LAMA2: variants seen among roughly 807,000 people sequenced by gnomAD.
LAMA2 encodes laminin subunit alpha 2, also known as laminin subunit alpha-2.
LAMA2 carries 269 observed loss-of-function variants against 364.8 expected under a neutral mutation model. The ratio of observed to expected loss-of-function variants is 0.74; its 90% CI spans 0.67 to 0.82. LAMA2 has a LOEUF of 0.82. LAMA2 is among the 40% of genes least tolerant of loss of function. The pLI is 0.00. For synonymous variants in LAMA2, 1,379 were observed against 1,370.6 expected, an observed-to-expected ratio of 1.01 and a Z score of -0.14; for missense variants, 3,807 against 3,873.2, an observed-to-expected ratio of 0.98 and a Z score of 0.45.
At chr6:129,498,983 C>A (rs979759025) in intron 58 of LAMA2, among the ~76,000 whole-genome samples, 1 of 152,184 alleles carries the variant, frequency 6.6e-6, no homozygotes, top group Non-Finnish European at 1.5e-5. Context: ...GCACTATCTA[C>A]TTCCCTAAAC....
At chr6:128,967,235 G>A (rs1252531463) in intron 1 of LAMA2, among the ~76,000 whole-genome samples, 1 of 152,070 alleles carries the variant, frequency 6.6e-6, no homozygotes, top group African/African-American at 2.4e-5. Flanking sequence ...GTAGATTCAA[G>A]CCCTCTATCA....
intron 1 of LAMA2, among the ~76,000 whole-genome samples, chr6:128,892,849 A>G (rs1776542639): frequency 6.6e-6 from 1 of 151,944 alleles, no homozygotes; most frequent in Admixed American, 6.6e-5. Context: ...ACTATTAAAA[A>G]AACCACCAAA....
intron 3 of LAMA2, among the ~76,000 whole-genome samples, chr6:129,083,404 A>G (rs1185026695): frequency 6.6e-6 from 1 of 152,338 alleles, no homozygotes; most frequent in East Asian, 1.9e-4. Context: ...GTCAGCCAGT[A>G]TCATGAGAGC....
intron 29 of LAMA2, among the ~76,000 whole-genome samples, chr6:129,334,159 C>A (rs957691930): frequency 6.6e-6 from 1 of 152,162 alleles, no homozygotes; most frequent in African/African-American, 2.4e-5. Context: ...ACTGATTTCT[C>A]TTTTATGTGC....
chr6:128,978,093 C>A (rs1179246496), intron 1 of LAMA2, among the ~76,000 whole-genome samples: 1 of 151,912 alleles, frequency 6.6e-6, no homozygotes, highest in Non-Finnish European at 1.5e-5. Context: ...AGAATAATAC[C>A]CTGGATATCC....
chr6:129,207,199 C>T (rs1470904817), intron 12 of LAMA2, among the ~76,000 whole-genome samples: 3 of 152,158 alleles, frequency 2.0e-5, no homozygotes, highest in Admixed American at 6.5e-5. Context: ...ATTGTGTATT[C>T]GTATCTGAAA....
At chr6:129,253,525 C>A (rs1378732593) in intron 14 of LAMA2, among the ~76,000 whole-genome samples, 2 of 152,222 alleles carry the variant, frequency 1.3e-5, no homozygotes, top group Non-Finnish European at 2.9e-5. Context: ...ATAGGCAATT[C>A]TTCTAGAAGC....
intron 52 of LAMA2, among the ~76,000 whole-genome samples, chr6:129,474,573 C>T (rs1783976292): frequency 6.6e-6 from 1 of 152,240 alleles, no homozygotes; most frequent in East Asian, 1.9e-4. Flanking sequence ...ATACCAAATA[C>T]TAGGAATCCA....
At chr6:129,241,685 A>G (rs1434323630) in intron 12 of LAMA2, among the ~76,000 whole-genome samples, 1 of 152,178 alleles carries the variant, frequency 6.6e-6, no homozygotes, top group Non-Finnish European at 1.5e-5. Flanking sequence ...TGTGTGATTT[A>G]TATATGACTC....
At chr6:129,467,987 T>G (rs1783629975) in intron 51 of LAMA2, among the ~76,000 whole-genome samples, 1 of 151,860 alleles carries the variant, frequency 6.6e-6, no homozygotes, top group African/African-American at 2.4e-5. Context: ...CAGTATCTTC[T>G]GTGACATTTC....
At chr6:128,980,677 A>AT (rs1782809384) in intron 1 of LAMA2, among the ~76,000 whole-genome samples, 1 of 152,164 alleles carries the variant, frequency 6.6e-6, no homozygotes. Context: ...ATATAAAACT[A>AT]TTTTTGCCAG....
intron 1 of LAMA2, among the ~76,000 whole-genome samples, chr6:128,950,530 A>C (rs1458986774): frequency 6.6e-6 from 1 of 152,118 alleles, no homozygotes; most frequent in African/African-American, 2.4e-5. Flanking sequence ...TTTACTCTAC[A>C]AAGTGCCCAC....
At chr6:129,454,392 T>C (rs1055220718) in intron 47 of LAMA2, 104 bp downstream of exon 47, 1 of 891,632 alleles carries the variant, frequency 1.1e-6, no homozygotes, top group African/African-American at 1.7e-5. Context: ...GGTAACTGTG[T>C]ATGCATGTAA....
intron 35 of LAMA2, among the ~76,000 whole-genome samples, chr6:129,384,153 A>C (rs1335844670): frequency 6.6e-6 from 1 of 152,202 alleles, no homozygotes; most frequent in Non-Finnish European, 1.5e-5. Context: ...AATTTGAGGC[A>C]AAGGTGTGAG....
intron 8 of LAMA2, among the ~76,000 whole-genome samples, chr6:129,162,918 T>C (rs1170944936): frequency 6.6e-6 from 1 of 151,434 alleles, no homozygotes; most frequent in Non-Finnish European, 1.5e-5. Flanking sequence ...GGAGGAAGAA[T>C]GAAGAGAGTC....
chr6:129,032,872 G>A (rs574810962), intron 1 of LAMA2, among the ~76,000 whole-genome samples: 16 of 152,280 alleles, frequency 1.1e-4, no homozygotes, highest in Non-Finnish European at 2.1e-4. Flanking sequence ...GACACTGGGT[G>A]GGTAAACTAA....
At chr6:129,072,344 CA>C (rs1274927076) in intron 3 of LAMA2, among the ~76,000 whole-genome samples, 1 of 152,088 alleles carries the variant, frequency 6.6e-6, no homozygotes, top group East Asian at 1.9e-4. Context: ...CTACTGCCAG[CA>C]GTACTTCTAT....
intron 1 of LAMA2, among the ~76,000 whole-genome samples, chr6:129,041,978 G>C (rs1321159796): frequency 1.4e-5 from 2 of 145,878 alleles, no homozygotes. Flanking sequence ...CTCCAACCTG[G>C]GCAACAGAAT....
At chr6:129,452,852 G>A in intron 45 of LAMA2, 136 bp from the exon 46 acceptor site, 2 of 748,998 alleles carry the variant, frequency 2.7e-6, no homozygotes, top group Non-Finnish European at 4.6e-6. Context: ...TCTGCATATG[G>A]GTGTTTAATG....
Sources: gnomAD v4.1 joint callset for allele counts (sites outside exome capture counted in the v4.1 genomes callset) on GRCh38, gnomAD v4.1.1 for gene constraint, MANE v1.5 for transcripts, NCBI Gene and HGNC (gene_info 2026-07-23, HGNC 2026-07-21) for gene names.